ATRNL1: variants seen among roughly 807,000 people sequenced by gnomAD.
ATRNL1 encodes attractin-like protein 1.
In ATRNL1, 95 loss-of-function variants were observed where a neutral mutation model predicts 182.7. That is an observed-to-expected ratio of 0.52 (90% CI 0.44 to 0.62). ATRNL1 has a LOEUF of 0.62. Ranked by LOEUF, ATRNL1 falls within the 20% of genes least tolerant of loss-of-function variation. The pLI, the probability that ATRNL1 is intolerant of heterozygous loss-of-function variation, is 0.00. For missense variants in ATRNL1, 1,471 were observed against 1,679.5 expected (o/e 0.88, Z 2.17); for synonymous variants, 576 against 568.3 (o/e 1.01, Z -0.19).
intron 19 of ATRNL1, among the ~76,000 whole-genome samples, chr10:115,344,871 C>T (rs1855908030): frequency 1.3e-5 from 2 of 152,174 alleles, no homozygotes; most frequent in Non-Finnish European, 2.9e-5. Flanking sequence ...AGGACTGGGT[C>T]CTTTCCTTCA....
At chr10:115,331,915 A>G (rs1405504845) in intron 18 of ATRNL1, among the ~76,000 whole-genome samples, 1 of 152,166 alleles carries the variant, frequency 6.6e-6, no homozygotes, top group Admixed American at 6.5e-5. Flanking sequence ...ATTGTAGACC[A>G]TCCATCTGAC....
intron 28 of ATRNL1, among the ~76,000 whole-genome samples, chr10:115,940,434 T>A (rs782177253): frequency 6.6e-6 from 1 of 152,192 alleles, no homozygotes; most frequent in Non-Finnish European, 1.5e-5. Flanking sequence ...TATTGCAGAT[T>A]ATAGCTCGGT....
At chr10:115,097,574 A>G (rs1169417401) in intron 1 of ATRNL1, among the ~76,000 whole-genome samples, 3 of 152,184 alleles carry the variant, frequency 2.0e-5, no homozygotes, top group East Asian at 1.9e-4. Flanking sequence ...TTAGGTTGTT[A>G]TTATAGACAA....
intron 21 of ATRNL1, among the ~76,000 whole-genome samples, chr10:115,432,448 A>C (rs1329040862): frequency 1.3e-5 from 2 of 152,166 alleles, no homozygotes; most frequent in Non-Finnish European, 2.9e-5. Flanking sequence ...ATATTTGAAA[A>C]GAAGTGATGC....
chr10:115,360,684 T>C (rs987863621), intron 19 of ATRNL1, among the ~76,000 whole-genome samples: 1 of 151,776 alleles, frequency 6.6e-6, no homozygotes. Context: ...TATTTTACTT[T>C]AAGTTCCAGA....
chr10:115,338,045 T>C (rs1261847394), intron 19 of ATRNL1, among the ~76,000 whole-genome samples: 2 of 151,802 alleles, frequency 1.3e-5, no homozygotes, highest in African/African-American at 2.4e-5. Flanking sequence ...CTGGCCTGAA[T>C]GCTTTTTCAC....
At chr10:115,125,030 G>A (rs551120998) in intron 3 of ATRNL1, among the ~76,000 whole-genome samples, 1 of 152,216 alleles carries the variant, frequency 6.6e-6, no homozygotes, top group South Asian at 2.1e-4. Context: ...ACATTCTAGG[G>A]AGAGAAAAGC....
Position 115,443,364 on chromosome 10 carries a change from T to A in ATRNL1, c.3322+17062T>A, listed in dbSNP as rs114163426. 8.1e-3 allele frequency among the ~76,000 whole-genome samples: 1,238 copies of A among 152,152 alleles called. 22 individuals carry two copies. Among genetic ancestry groups the A allele is most frequent in the African/African-American group, 0.028 (1,175 of 41,544 alleles). Reference sequence around the variant, plus strand: ...TCCTTTCAGTCTGTGGGCTCTCTTTTTATAGGCATATCTCTTAAAAATAGA... The same window carrying A: ...TCCTTTCAGTCTGTGGGCTCTCTTTATATAGGCATATCTCTTAAAAATAGA... On this transcript the variant is annotated intron_variant, in intron 21 of 28. Coordinates refer to ENST00000355044, the MANE Select transcript of ATRNL1 (RefSeq NM_207303.4).
intron 5 of ATRNL1, among the ~76,000 whole-genome samples, chr10:115,133,146 A>T (rs531643591): frequency 6.6e-6 from 1 of 152,202 alleles, no homozygotes; most frequent in African/African-American, 2.4e-5. Flanking sequence ...AGCCTTCTAC[A>T]TATGGCTAGC....
intron 24 of ATRNL1, among the ~76,000 whole-genome samples, chr10:115,489,001 G>A (rs1403729733): frequency 2.0e-5 from 3 of 152,140 alleles, no homozygotes; most frequent in South Asian, 2.1e-4. Context: ...TCATTCAGGA[G>A]CAGGTTTTTC....
At chr10:115,665,676 T>C (rs1285484640) in intron 26 of ATRNL1, among the ~76,000 whole-genome samples, 3 of 152,174 alleles carry the variant, frequency 2.0e-5, no homozygotes, top group African/African-American at 7.2e-5. Flanking sequence ...ATGTTAGAAA[T>C]CAAGCAAAAA....
At chr10:115,569,178 A>G (rs1485035759) in intron 26 of ATRNL1, among the ~76,000 whole-genome samples, 4 of 152,176 alleles carry the variant, frequency 2.6e-5, no homozygotes, top group African/African-American at 4.8e-5. Flanking sequence ...TCACTTATCA[A>G]TATAACTTGG....
Position 115,714,729 on chromosome 10 carries a change from T to C in ATRNL1, c.3796-12519T>C, listed in dbSNP as rs188590003. Among the ~76,000 whole-genome samples the C allele has an allele frequency of 5.3e-3, 799 of 151,872 alleles. 5 individuals are homozygous for C. Among genetic ancestry groups the C allele is most frequent in the Non-Finnish European group, 8.2e-3 (556 of 68,022 alleles). On this transcript the variant is annotated intron_variant, in intron 26 of 28. Coordinates refer to ENST00000355044, the MANE Select transcript of ATRNL1 (RefSeq NM_207303.4). The stretch of plus-strand genomic sequence containing the variant: ...GGTAATGAAGCATGTATTTCTTTTC[T>C]CTGATCCACTTAAAATTTTCATCAA...
chr10:115,735,083 A>G (rs954736403), intron 27 of ATRNL1, among the ~76,000 whole-genome samples: 3 of 152,212 alleles, frequency 2.0e-5, no homozygotes, highest in Non-Finnish European at 2.9e-5. Flanking sequence ...TTATATGATC[A>G]ATATGTGTTT....
chr10:115,137,898 G>A (rs984710966), intron 5 of ATRNL1, among the ~76,000 whole-genome samples: 7 of 152,160 alleles, frequency 4.6e-5, no homozygotes, highest in African/African-American at 1.7e-4. Context: ...CTGAGACAAG[G>A]CAAGTCCCTT....
At chr10:115,784,936 C>G (rs982925545) in intron 27 of ATRNL1, among the ~76,000 whole-genome samples, 7 of 151,690 alleles carry the variant, frequency 4.6e-5, no homozygotes, top group Non-Finnish European at 8.8e-5. Flanking sequence ...CTCTCTGGTT[C>G]CCCCAAATTA....
rs544680495 is a variant in ATRNL1 at position 115,658,216 on chromosome 10, C to T, written c.3796-69032C>T. ...TTTCACGCCATTCTCCTGCCTCAGTCTCCTGAGTAGCTAGGACTACAGGCA... is the reference window on the plus strand; with the variant it reads ...TTTCACGCCATTCTCCTGCCTCAGTTTCCTGAGTAGCTAGGACTACAGGCA... On this transcript the variant is annotated intron_variant, in intron 26 of 28. Transcript: ENST00000355044. Among the ~76,000 whole-genome samples, 309 of 149,574 alleles carry T rather than the reference C, an allele frequency of 2.1e-3. 1 individual carries two copies. Among genetic ancestry groups the T allele is most frequent in the African/African-American group, 7.1e-3 (291 of 40,732 alleles).
chr10:115,515,185 A>G (rs1348523182), intron 24 of ATRNL1, among the ~76,000 whole-genome samples: 9 of 151,698 alleles, frequency 5.9e-5, no homozygotes, highest in African/African-American at 2.2e-4. Flanking sequence ...TTTCCTATTG[A>G]TTCCCTCTTT....
chr10:115,096,364 A>G (rs897766999), intron 1 of ATRNL1, among the ~76,000 whole-genome samples: 10 of 152,228 alleles, frequency 6.6e-5, no homozygotes, highest in Non-Finnish European at 1.3e-4. Flanking sequence ...AGGATTATGT[A>G]TAGTAGAAAA....
Sources: allele counts gnomAD v4.1 joint callset (sites outside exome capture counted in the v4.1 genomes callset), GRCh38; gene constraint gnomAD v4.1.1; transcripts MANE v1.5; gene names NCBI Gene and HGNC (gene_info 2026-07-23, HGNC 2026-07-21).